Variants in TMEM132D observed in about 807,000 individuals in gnomAD.
TMEM132D encodes mature OL transmembrane protein.
TMEM132D carries 21 observed loss-of-function variants against 62.3 expected under a neutral mutation model. The observed-to-expected ratio is 0.34, with a 90% CI of 0.24 to 0.49. The LOEUF (loss-of-function observed/expected upper bound fraction) is 0.49. TMEM132D is among the 20% of genes least tolerant of loss of function. The pLI, the probability that TMEM132D is intolerant of heterozygous loss-of-function variation, is 0.99. For synonymous variants in TMEM132D, 621 were observed against 575.6 expected (o/e 1.08, Z -1.13); for missense variants, 1,346 against 1,402.8 (o/e 0.96, Z 0.65).
In TMEM132D at chr12:129,473,326, T is replaced by TTTTG. The variant is rs1555259215; in HGVS notation, c.1115+57732_1115+57733insCAAA. On this transcript the variant is annotated intron_variant, in intron 3 of 8. Coordinates refer to ENST00000422113, the MANE Select transcript of TMEM132D (RefSeq NM_133448.3). ...GCAATAAAGTGATTTTAGTTTTTGT[T>TTTTG]TTTTTTTTTTTTTTTTTTTTGAGAC... Among the ~76,000 whole-genome samples the TTTTG allele has an allele frequency of 3.6e-3, 462 of 127,830 alleles. 5 individuals are homozygous for TTTTG. Among genetic ancestry groups the TTTTG allele is most frequent in the African/African-American group, 0.014 (436 of 31,614 alleles). 83.9% of individuals were successfully genotyped at this position (127,830 alleles called of 152,430 possible).
intron 8 of TMEM132D, among the ~76,000 whole-genome samples, chr12:129,075,407 G>A (rs1293932539): frequency 1.3e-5 from 2 of 150,054 alleles, no homozygotes; most frequent in African/African-American, 2.5e-5. Flanking sequence ...ATAATAAATT[G>A]CACGACAAAG....
chr12:129,543,667 T>A (rs1657486586), intron 2 of TMEM132D, among the ~76,000 whole-genome samples: 1 of 152,318 alleles, frequency 6.6e-6, no homozygotes, highest in South Asian at 2.1e-4. Context: ...CCATGGGTGG[T>A]CCAAGTATGG....
chr12:129,605,643 AC>A lies in TMEM132D; in HGVS notation c.969-74439del, dbSNP rs1255249929. ...TATATACACACACACACACACACAC[AC>A]ACAAATATACATATACATATATATA... is the stretch of plus-strand genomic sequence containing the variant. On this transcript the variant is annotated intron_variant, in intron 2 of 8. Coordinates refer to ENST00000422113, the MANE Select transcript of TMEM132D (RefSeq NM_133448.3). 4.9e-3 allele frequency among the ~76,000 whole-genome samples: 656 copies of A among 132,986 alleles called. 10 individuals carry two copies. Among genetic ancestry groups the A allele is most frequent in the African/African-American group, 0.016 (622 of 38,382 alleles). The allele number at this position is 132,986 out of a possible 152,430, so 87.2% of individuals were successfully genotyped here. A position where few individuals can be genotyped will look rare whatever the true frequency, so the allele number is the denominator to read the frequency against.
rs557555848 is a variant in TMEM132D, at chr12:129,273,916, GA to G, written c.1299+63717del. On this transcript the variant is annotated intron_variant, in intron 4 of 8. Coordinates refer to ENST00000422113, the MANE Select transcript of TMEM132D (RefSeq NM_133448.3). ...ACCCGCTGAACTTAAAACAAAAGTT[GA>G]AAAAAAAAAAGAGTGTTTGCATCTG... is the stretch of plus-strand genomic sequence containing the variant. Among the ~76,000 whole-genome samples the G allele has an allele frequency of 6.5e-4, 92 of 141,674 alleles. 1 individual carries two copies. The highest frequency in any genetic ancestry group is 3.6e-3 in the Middle Eastern group (1 of 280). 92.9% of individuals were successfully genotyped at this position (141,674 alleles called of 152,430 possible).
At chr12:129,208,846 T>G (rs1878936162) in intron 5 of TMEM132D, 1 of 152,234 alleles carries the variant, frequency 6.6e-6, no homozygotes, top group Non-Finnish European at 1.5e-5. Flanking sequence ...AGAGCAAGAC[T>G]CCATCTCCCC....
At chr12:129,273,088 T>C (rs1252177305) in intron 4 of TMEM132D, among the ~76,000 whole-genome samples, 1 of 151,712 alleles carries the variant, frequency 6.6e-6, no homozygotes, top group Non-Finnish European at 1.5e-5. Flanking sequence ...CCCAGCTACT[T>C]GGCAGGCTGA....
At chr12:129,214,486 G>A (rs961221526) in intron 4 of TMEM132D, among the ~76,000 whole-genome samples, 1 of 152,156 alleles carries the variant, frequency 6.6e-6, no homozygotes, top group Non-Finnish European at 1.5e-5. Flanking sequence ...CCCATTCAAT[G>A]TCTGTTCTGC....
intron 5 of TMEM132D, among the ~76,000 whole-genome samples, chr12:129,198,291 A>C (rs187969710): frequency 6.6e-6 from 1 of 152,314 alleles, no homozygotes; most frequent in South Asian, 2.1e-4. Context: ...ATTACCATAT[A>C]ATCTAGCAAT....
chr12:129,081,362 G>T (rs554426688), intron 7 of TMEM132D, among the ~76,000 whole-genome samples: 1 of 152,152 alleles, frequency 6.6e-6, no homozygotes, highest in African/African-American at 2.4e-5. Flanking sequence ...GTAGTGGCAC[G>T]ATCTCAGATC....
rs576625543 is a variant in TMEM132D, at chr12:129,622,227, C to T, written c.968+77583G>A. 2.0e-4 allele frequency among the ~76,000 whole-genome samples: 30 copies of T among 152,272 alleles called. 1 individual carries two copies. Among genetic ancestry groups the T allele is most frequent in the African/African-American group, 7.0e-4 (29 of 41,548 alleles). ...GAAGCCAGCAAGAGTCCACAAGCCCCACTCGTCCACTAGCCCCACAGGCAT... is the reference window on the plus strand; with the variant it reads ...GAAGCCAGCAAGAGTCCACAAGCCCTACTCGTCCACTAGCCCCACAGGCAT... On this transcript the variant is annotated intron_variant, in intron 2 of 8. Coordinates refer to ENST00000422113, the MANE Select transcript of TMEM132D (RefSeq NM_133448.3).
At chr12:129,354,835 C>T (rs1224844702) in intron 3 of TMEM132D, among the ~76,000 whole-genome samples, 1 of 152,180 alleles carries the variant, frequency 6.6e-6, no homozygotes, top group Non-Finnish European at 1.5e-5. Context: ...AATGTCCACT[C>T]TTGATTTCTG....
At chr12:129,118,640 G>A (rs564874317) in intron 5 of TMEM132D, among the ~76,000 whole-genome samples, 1 of 152,290 alleles carries the variant, frequency 6.6e-6, no homozygotes, top group South Asian at 2.1e-4. Flanking sequence ...AAAGCAAAAC[G>A]TACCTGGCAC....
chr12:129,311,391 T>C (rs1003213217), intron 4 of TMEM132D, among the ~76,000 whole-genome samples: 4 of 152,168 alleles, frequency 2.6e-5, no homozygotes, highest in East Asian at 1.9e-4. Flanking sequence ...ATATTACCTA[T>C]GAATAATCAG....
chr12:129,620,958 G>A (rs1879050430), intron 2 of TMEM132D, among the ~76,000 whole-genome samples: 2 of 152,112 alleles, frequency 1.3e-5, no homozygotes, highest in Admixed American at 6.5e-5. Context: ...TGCACATCCT[G>A]CACATGTATT....
chr12:129,696,466 C>T (rs1280460381), intron 2 of TMEM132D, among the ~76,000 whole-genome samples: 1 of 152,228 alleles, frequency 6.6e-6, no homozygotes, highest in Non-Finnish European at 1.5e-5. Flanking sequence ...CTTCTCTGAG[C>T]TTGTTCCACT....
At chr12:129,298,387 C>T (rs568144631) in intron 4 of TMEM132D, among the ~76,000 whole-genome samples, 2 of 152,158 alleles carry the variant, frequency 1.3e-5, no homozygotes, top group Non-Finnish European at 1.5e-5. Context: ...TATTTTGATA[C>T]ATATATATGT....
chr12:129,221,120 G>A (rs564210064), intron 4 of TMEM132D, among the ~76,000 whole-genome samples: 3 of 152,234 alleles, frequency 2.0e-5, no homozygotes, highest in East Asian at 3.9e-4. Flanking sequence ...TAAAATGTAC[G>A]GGTCAATGTT....
chr12:129,087,961 G>A (rs1462247557), intron 5 of TMEM132D, among the ~76,000 whole-genome samples: 4 of 90,426 alleles, frequency 4.4e-5, no homozygotes, highest in Admixed American at 1.3e-4. Flanking sequence ...CTCCCTGACC[G>A]GGGTGTCCTC....
intron 2 of TMEM132D, among the ~76,000 whole-genome samples, chr12:129,696,131 G>C (rs143579276): frequency 6.6e-6 from 1 of 152,102 alleles, no homozygotes; most frequent in African/African-American, 2.4e-5. Context: ...TTAAGTCTTC[G>C]GCATATCTGG....
Sources: gnomAD v4.1 joint callset for allele counts (sites outside exome capture counted in the v4.1 genomes callset) on GRCh38, gnomAD v4.1.1 for gene constraint, MANE v1.5 for transcripts, NCBI Gene and HGNC (gene_info 2026-07-23, HGNC 2026-07-21) for gene names.